Variants in SLC16A12 observed in about 807,000 individuals in gnomAD.
SLC16A12 encodes the protein monocarboxylate transporter 12.
A neutral mutation model predicts 42.4 loss-of-function variants in SLC16A12; 17 were observed. That is an observed-to-expected ratio of 0.40 (90% CI 0.27 to 0.60). SLC16A12 has a LOEUF of 0.60. Ranked by LOEUF, SLC16A12 falls within the 20% of genes least tolerant of loss-of-function variation. The pLI is 0.42. For synonymous variants in SLC16A12, 224 were observed against 229.4 expected, an observed-to-expected ratio of 0.98 and a Z score of 0.21; for missense variants, 544 against 623.0, an observed-to-expected ratio of 0.87 and a Z score of 1.35.
chr10:89,441,340 T>TA, intron 4 of SLC16A12, 89 bp from the exon 5 acceptor site: 1 of 1,524,370 alleles, frequency 6.6e-7, no homozygotes, highest in Non-Finnish European at 9.0e-7. Flanking sequence ...GGAGAGAACC[T>TA]TTAAAGCATT....
chr10:89,482,241 A>C (rs1842675601), intron 2 of SLC16A12, among the ~76,000 whole-genome samples: 1 of 150,300 alleles, frequency 6.7e-6, no homozygotes, highest in Non-Finnish European at 1.5e-5. Flanking sequence ...TACACCAAAA[A>C]AAAAAAAAAA....
At chr10:89,512,620 T>A (rs1211890706) in intron 2 of SLC16A12, among the ~76,000 whole-genome samples, 1 of 152,156 alleles carries the variant, frequency 6.6e-6, no homozygotes, top group East Asian at 1.9e-4. Context: ...CAAGAATGCA[T>A]CCACAAGCCA....
chr10:89,491,577 A>G (rs1453580231), intron 2 of SLC16A12, among the ~76,000 whole-genome samples: 1 of 152,114 alleles, frequency 6.6e-6, no homozygotes, highest in Non-Finnish European at 1.5e-5. Context: ...AAGAGGAAAG[A>G]ATCATGCCTC....
rs1289743620 is a variant in SLC16A12 at position 89,511,715 on chromosome 10, G to A, written c.-47+22786C>T. Among the ~76,000 whole-genome samples the A allele has an allele frequency of 3.3e-5, 5 of 151,982 alleles. No homozygotes were observed. In the South Asian group the frequency reaches 1.0e-3, roughly 32 times the overall value. Reference sequence around the variant, plus strand: ...CCTGCATGATGTGCACATGTACCCCGAACTTAAAGTATAATAATAATAAAC... The same window carrying A: ...CCTGCATGATGTGCACATGTACCCCAAACTTAAAGTATAATAATAATAAAC... On this transcript the variant is annotated intron_variant, in intron 2 of 7. Coordinates refer to ENST00000371790, the MANE Select transcript of SLC16A12 (RefSeq NM_213606.4).
chr10:89,489,098 T>C (rs1842808302), intron 2 of SLC16A12, among the ~76,000 whole-genome samples: 1 of 152,184 alleles, frequency 6.6e-6, no homozygotes, highest in African/African-American at 2.4e-5. Context: ...ATTACTACTG[T>C]TATTGTTTTC....
chr10:89,552,442 AG>A (rs1426367290), intron 2 of SLC16A12, among the ~76,000 whole-genome samples: 1 of 152,240 alleles, frequency 6.6e-6, no homozygotes, highest in East Asian at 1.9e-4. Context: ...GAGAGAATCT[AG>A]GGTGGTAGCA....
chr10:89,535,323 C>G (rs942487772), intron 1 of SLC16A12, 119 bp downstream of exon 1: 3 of 152,298 alleles, frequency 2.0e-5, no homozygotes. Context: ...CCCAGGCTCC[C>G]GGCGCGGGAT....
intron 3 of SLC16A12, among the ~76,000 whole-genome samples, chr10:89,459,264 TAAG>T (rs1842250932): frequency 6.6e-6 from 1 of 151,982 alleles, no homozygotes; most frequent in Non-Finnish European, 1.5e-5. Context: ...CGCTGGATAT[TAAG>T]AAGTTGCCCA....
intron 2 of SLC16A12, among the ~76,000 whole-genome samples, chr10:89,548,166 G>A (rs1283546921): frequency 6.6e-6 from 1 of 152,110 alleles, no homozygotes; most frequent in East Asian, 1.9e-4. Flanking sequence ...ATTTGTCAGT[G>A]TATTCTCCAT....
chr10:89,505,573 T>A (rs772885084), intron 2 of SLC16A12, among the ~76,000 whole-genome samples: 9 of 151,856 alleles, frequency 5.9e-5, no homozygotes, highest in Non-Finnish European at 1.3e-4. Context: ...CTGGGACTGA[T>A]TGGACAGTGG....
chr10:89,547,772 A>C (rs1260799624), intron 2 of SLC16A12, among the ~76,000 whole-genome samples: 1 of 151,920 alleles, frequency 6.6e-6, no homozygotes, highest in Non-Finnish European at 1.5e-5. Context: ...TGAGGTGGGC[A>C]GATCACCTGA....
intron 3 of SLC16A12, among the ~76,000 whole-genome samples, chr10:89,457,920 T>C (rs1290588206): frequency 6.6e-6 from 1 of 152,210 alleles, no homozygotes; most frequent in Non-Finnish European, 1.5e-5. Flanking sequence ...TTCTGAGTTA[T>C]CCTAAAGATG....
At chr10:89,509,769 G>C (rs185202845) in intron 2 of SLC16A12, among the ~76,000 whole-genome samples, 455 of 152,170 alleles carry the variant, frequency 3.0e-3, no homozygotes, top group Admixed American at 3.6e-3. Context: ...AGAAATAAAG[G>C]GTATTCAGTC....
intron 2 of SLC16A12, among the ~76,000 whole-genome samples, chr10:89,502,956 C>T (rs1350987258): frequency 6.6e-6 from 1 of 152,200 alleles, no homozygotes; most frequent in African/African-American, 2.4e-5. Context: ...TGTGCGCTAT[C>T]TACAATCAAA....
intron 2 of SLC16A12, among the ~76,000 whole-genome samples, chr10:89,479,692 T>A (rs1323176525): frequency 6.6e-6 from 1 of 152,196 alleles, no homozygotes; most frequent in East Asian, 1.9e-4. Flanking sequence ...CCATATTATA[T>A]CACAAAGCAT....
chr10:89,442,704 T>C (rs1841932799), intron 4 of SLC16A12, among the ~76,000 whole-genome samples: 1 of 152,216 alleles, frequency 6.6e-6, no homozygotes, highest in South Asian at 2.1e-4. Context: ...TGAAACCTGC[T>C]TTTAGTCTTA....
At chr10:89,486,950 T>C (rs1842765697) in intron 2 of SLC16A12, among the ~76,000 whole-genome samples, 2 of 152,222 alleles carry the variant, frequency 1.3e-5, no homozygotes, top group Non-Finnish European at 2.9e-5. Flanking sequence ...TGTGGGCTGG[T>C]ACCAAATCAA....
At chr10:89,538,826 G>C (rs1843695749), upstream of SLC16A12, among the ~76,000 whole-genome samples, 1 of 152,102 alleles carries the variant, frequency 6.6e-6, no homozygotes, top group Non-Finnish European at 1.5e-5. Flanking sequence ...CTTTAGTCAG[G>C]CTCCTGAACT....
intron 2 of SLC16A12, among the ~76,000 whole-genome samples, chr10:89,502,452 CAAAAAACA>C (rs1843003283): frequency 6.6e-6 from 1 of 151,688 alleles, no homozygotes; most frequent in Admixed American, 6.6e-5. Flanking sequence ...CTCAAAAAAA[CAAAAAACA>C]AAAAAACAAA....
Sources: gnomAD v4.1 joint callset for allele counts (sites outside exome capture counted in the v4.1 genomes callset) on GRCh38, gnomAD v4.1.1 for gene constraint, MANE v1.5 for transcripts, NCBI Gene and HGNC (gene_info 2026-07-23, HGNC 2026-07-21) for gene names.